Variants in SAXO1 observed in about 807,000 individuals in gnomAD.
SAXO1 encodes the protein 4930500O09Rik.
In SAXO1, 21 loss-of-function variants were observed where a neutral mutation model predicts 17.5. That is an observed-to-expected ratio of 1.20 (90% CI 0.85 to 1.72). SAXO1 has a LOEUF of 1.72. Among genes scored for constraint, SAXO1 ranks in the 40% most tolerant of loss-of-function variants. The pLI is 0.00. For missense variants in SAXO1, 843 were observed against 596.0 expected (o/e 1.41, Z -4.32); for synonymous variants, 274 against 216.5 (o/e 1.27, Z -2.33).
chr9:18,958,808 T>C (rs1832362170), intron 1 of SAXO1, among the ~76,000 whole-genome samples: 1 of 152,068 alleles, frequency 6.6e-6, no homozygotes, highest in East Asian at 1.9e-4. Context: ...AATCATACGT[T>C]TGGAAGACAT....
At position 19,027,346 on chromosome 9, in the gene SAXO1, G is replaced by GGAGACACTGCCCAGAGTGCTTC; in HGVS notation, c.38+5524_38+5525insGAAGCACTCTGGGCAGTGTCTC. ...ATCCTGGAGACACTGCCCAGAGTAC[G>GGAGACACTGCCCAGAGTGCTTC]ACTCGCGGGTGAAGGCCACAGAGGT... On this transcript the variant is annotated intron_variant, in intron 1 of 3. Transcript: ENST00000380534. The GGAGACACTGCCCAGAGTGCTTC allele has an allele frequency of 1.0e-5, 8 of 785,310 alleles. No individual in the cohort carries two copies. In the East Asian group the frequency reaches 1.9e-4, roughly 19 times the overall value. 48.6% of individuals were successfully genotyped at this position (785,310 alleles called of 1,614,324 possible).
At chr9:18,939,657 C>T (rs971710498) in intron 3 of SAXO1, among the ~76,000 whole-genome samples, 1 of 152,096 alleles carries the variant, frequency 6.6e-6, no homozygotes, top group African/African-American at 2.4e-5. Context: ...TGAAAGAAGG[C>T]CCTGAGGCTG....
intron 1 of SAXO1, among the ~76,000 whole-genome samples, chr9:19,019,844 G>A (rs1835151070): frequency 6.6e-6 from 1 of 152,070 alleles, no homozygotes; most frequent in Non-Finnish European, 1.5e-5. Flanking sequence ...GACCACTCAT[G>A]GGTCTTGGTT....
At chr9:18,968,251 G>T (rs1015485173) in intron 1 of SAXO1, among the ~76,000 whole-genome samples, 6 of 152,174 alleles carry the variant, frequency 3.9e-5, no homozygotes, top group Admixed American at 3.9e-4. Flanking sequence ...CCTCATGTTG[G>T]CCAGGCTGGT....
chr9:19,028,201 A>C, intron 1 of SAXO1: 1 of 1,109,264 alleles, frequency 9.0e-7, no homozygotes, highest in Admixed American at 2.3e-5. Flanking sequence ...GAGGCAAAAT[A>C]AAACAAAACA....
chr9:18,966,935 C>A (rs1438638636), intron 1 of SAXO1, among the ~76,000 whole-genome samples: 1 of 152,138 alleles, frequency 6.6e-6, no homozygotes, highest in South Asian at 2.1e-4. Context: ...TTTATGTGGG[C>A]ATGCTTTTTG....
intron 1 of SAXO1, among the ~76,000 whole-genome samples, chr9:18,998,809 C>A (rs954188036): frequency 6.6e-6 from 1 of 152,226 alleles, no homozygotes; most frequent in African/African-American, 2.4e-5. Flanking sequence ...CATTATTCAA[C>A]ATTCTTAAAG....
chr9:19,026,089 TAGCTAGAAGATTATTTGTA>T (rs1454917240), intron 1 of SAXO1, among the ~76,000 whole-genome samples: 1 of 149,876 alleles, frequency 6.7e-6, no homozygotes, highest in Non-Finnish European at 1.5e-5. Context: ...TATTTCAAAA[TAGCTAGAAGATTATTTGTA>T]AGCTTCCCAA....
intron 2 of SAXO1, among the ~76,000 whole-genome samples, chr9:18,949,830 G>A (rs984053829): frequency 1.3e-5 from 2 of 152,204 alleles, no homozygotes; most frequent in Non-Finnish European, 2.9e-5. Flanking sequence ...CCAGGTCTGA[G>A]GCACCGATGT....
chr9:18,940,133 TG>T (rs890165257), intron 3 of SAXO1, among the ~76,000 whole-genome samples: 1 of 151,650 alleles, frequency 6.6e-6, no homozygotes, highest in Non-Finnish European at 1.5e-5. Context: ...GAGCGGCTGG[TG>T]GTAAGAGGGA....
At chr9:19,021,443 T>C (rs1056360682) in intron 1 of SAXO1, among the ~76,000 whole-genome samples, 2 of 152,292 alleles carry the variant, frequency 1.3e-5, no homozygotes, top group South Asian at 4.2e-4. Context: ...TGTCCCCTTT[T>C]CCCTGACTTC....
At chr9:18,930,231 T>G (rs1420393385) in intron 3 of SAXO1, among the ~76,000 whole-genome samples, 1 of 152,238 alleles carries the variant, frequency 6.6e-6, no homozygotes, top group Non-Finnish European at 1.5e-5. Flanking sequence ...TGAGAAGAAC[T>G]GGCCAATCTA....
chr9:18,931,028 T>C (rs534771221), intron 3 of SAXO1, among the ~76,000 whole-genome samples: 11 of 152,358 alleles, frequency 7.2e-5, no homozygotes, highest in Middle Eastern at 3.4e-3. Context: ...AACAGTTTTA[T>C]TGAAATCTAA....
intron 1 of SAXO1, among the ~76,000 whole-genome samples, chr9:19,015,857 G>A (rs551119600): frequency 1.3e-5 from 2 of 152,194 alleles, no homozygotes; most frequent in South Asian, 4.2e-4. Context: ...GTTTTTTAAA[G>A]TGTAGTCCAT....
chr9:18,982,523 T>G (rs1248857302), intron 1 of SAXO1, among the ~76,000 whole-genome samples: 1 of 152,186 alleles, frequency 6.6e-6, no homozygotes, highest in Non-Finnish European at 1.5e-5. Flanking sequence ...GGGTCTTCTG[T>G]CACTGGATGA....
rs191391994 is a variant in SAXO1, at chr9:18,954,062, C to A, written c.39-3125G>T. ...CAAGAGCTGCCCTCGCCACCTTGCT[C>A]AGGTACATCCACAGACATACCCAGA... On this transcript the variant is annotated intron_variant, in intron 1 of 3. Coordinates refer to ENST00000380534, the MANE Select transcript of SAXO1 (RefSeq NM_153707.4). 2.9e-3 allele frequency among the ~76,000 whole-genome samples: 447 copies of A among 152,268 alleles called. 4 individuals carry two copies. The highest frequency in any genetic ancestry group is 0.01 in the African/African-American group (424 of 41,558).
At chr9:19,019,822 C>T (rs12349207) in intron 1 of SAXO1, among the ~76,000 whole-genome samples, 123,796 of 152,038 alleles carry the variant, frequency 0.81, 50,512 homozygotes, top group Non-Finnish European at 0.84. Flanking sequence ...CCCAAATCCA[C>T]TTTCACGCAA....
intron 1 of SAXO1, among the ~76,000 whole-genome samples, chr9:19,044,416 G>C (rs935471572): frequency 6.6e-6 from 1 of 152,158 alleles, no homozygotes; most frequent in Non-Finnish European, 1.5e-5. Context: ...CTGGCAGATT[G>C]AACACACGCA....
At chr9:18,933,860 C>T (rs978690135) in intron 3 of SAXO1, among the ~76,000 whole-genome samples, 2 of 152,210 alleles carry the variant, frequency 1.3e-5, no homozygotes, top group South Asian at 2.1e-4. Flanking sequence ...TCCTGGCCAA[C>T]ATGGTGAAAC....
Sources: allele counts gnomAD v4.1 joint callset (sites outside exome capture counted in the v4.1 genomes callset), GRCh38; gene constraint gnomAD v4.1.1; transcripts MANE v1.5; gene names NCBI Gene and HGNC (gene_info 2026-07-23, HGNC 2026-07-21).